The following TMTC1 variants were observed in gnomAD, a reference collection of about 807,000 sequenced individuals.
TMTC1 encodes the protein protein O-mannosyl-transferase TMTC1.
Under a neutral mutation model 104.8 loss-of-function variants are expected in TMTC1, and 73 were observed. The observed-to-expected ratio is 0.70, with a 90% confidence interval of 0.58 to 0.85. The LOEUF (loss-of-function observed/expected upper bound fraction) is 0.85, where lower values mean the gene tolerates loss of function less well. Among genes scored for constraint, TMTC1 ranks in the 40% least tolerant of loss-of-function variants. The probability of loss-of-function intolerance (pLI) is 0.00; values close to 1 mark genes in which losing one functional copy is unlikely to be tolerated. For missense variants in TMTC1, 1,035 were observed against 1,096.1 expected (o/e 0.94, Z 0.79); for synonymous variants, 434 against 428.7 (o/e 1.01, Z -0.15).
At chr12:29,760,986 A>ATTT (rs201231885) in intron 2 of TMTC1, among the ~76,000 whole-genome samples, 4 of 147,414 alleles carry the variant, frequency 2.7e-5, no homozygotes, top group African/African-American at 9.8e-5. Context: ...TATATTATGT[A>ATTT]TTTTTTATAT....
chr12:29,766,461 T>C (rs1303656624), intron 2 of TMTC1, among the ~76,000 whole-genome samples: 3 of 152,196 alleles, frequency 2.0e-5, no homozygotes, highest in Non-Finnish European at 4.4e-5. Flanking sequence ...ATATTCTTCA[T>C]AGAGATACGT....
In TMTC1 at chr12:29,504,620, G is replaced by C. The variant is rs574289900; in HGVS notation, c.*2226C>G. ...AAGGGAAAAGGGGTAGGGAAGGATG[G>C]GGGAGATAGGAAAGCACCTACAGGA... On this transcript the variant is annotated 3_prime_UTR_variant, in exon 18 of 18. Transcript: ENST00000539277. 6.6e-6 allele frequency: 1 copy of C among 152,158 alleles called. No homozygotes were observed. Among genetic ancestry groups the C allele is most frequent in the African/African-American group, 2.4e-5 (1 of 41,428 alleles). The allele number at this position is 152,158 out of a possible 1,614,324, so 9.4% of individuals were successfully genotyped here.
At chr12:29,581,266 G>A (rs752423724) in intron 8 of TMTC1, among the ~76,000 whole-genome samples, 3 of 152,088 alleles carry the variant, frequency 2.0e-5, no homozygotes, top group African/African-American at 7.2e-5. Context: ...CATCTGTTCT[G>A]GCCTTGAAGG....
At chr12:29,531,162 G>A (rs971581979) in intron 11 of TMTC1, among the ~76,000 whole-genome samples, 9 of 152,082 alleles carry the variant, frequency 5.9e-5, no homozygotes, top group Non-Finnish European at 7.4e-5. Flanking sequence ...ACACTCTGGC[G>A]CTTGGTGGCA....
rs143930648 is a variant in TMTC1 at position 29,540,826 on chromosome 12, C to G, written c.1677-4509G>C. 4.6e-3 allele frequency among the ~76,000 whole-genome samples: 694 copies of G among 152,170 alleles called. 7 individuals carry two copies. The highest frequency in any genetic ancestry group is 8.2e-3 in the Non-Finnish European group (560 of 68,008). On this transcript the variant is annotated intron_variant, in intron 10 of 17. Coordinates refer to ENST00000539277, the MANE Select transcript of TMTC1 (RefSeq NM_001193451.2). The stretch of plus-strand genomic sequence containing the variant: ...CCTGGCCAAGATAGTGAAACCCTGT[C>G]TCTACTAAAAATACAAAAATTAGCC...
At chr12:29,706,065 T>C (rs922013687) in intron 5 of TMTC1, among the ~76,000 whole-genome samples, 1 of 152,192 alleles carries the variant, frequency 6.6e-6, no homozygotes. Context: ...CTCCCAAAGC[T>C]TACCAGAAAT....
At chr12:29,752,829 C>G (rs1185975056) in intron 4 of TMTC1, among the ~76,000 whole-genome samples, 1 of 152,100 alleles carries the variant, frequency 6.6e-6, no homozygotes, top group Non-Finnish European at 1.5e-5. Context: ...GTCCTAGAAA[C>G]TATCATGGAA....
intron 5 of TMTC1, among the ~76,000 whole-genome samples, chr12:29,673,418 A>G (rs1437481670): frequency 6.6e-6 from 1 of 152,176 alleles, no homozygotes; most frequent in African/African-American, 2.4e-5. Context: ...AGAAATCCAT[A>G]ATAATTAAGT....
At chr12:29,572,623 C>T (rs557202076) in intron 8 of TMTC1, among the ~76,000 whole-genome samples, 8 of 152,306 alleles carry the variant, frequency 5.3e-5, no homozygotes, top group African/African-American at 1.4e-4. Flanking sequence ...ATGAGACACA[C>T]ACAACCTTGC....
intron 5 of TMTC1, among the ~76,000 whole-genome samples, chr12:29,639,964 G>C (rs1938753422): frequency 6.6e-6 from 1 of 152,206 alleles, no homozygotes; most frequent in Non-Finnish European, 1.5e-5. Flanking sequence ...AAAGCCACAG[G>C]CAATCCCCCA....
chr12:29,555,237 A>G (rs1047051016), intron 10 of TMTC1, among the ~76,000 whole-genome samples: 1 of 141,342 alleles, frequency 7.1e-6, no homozygotes, highest in Non-Finnish European at 1.5e-5. Flanking sequence ...TCTCAGGCCC[A>G]AGTGATTCTT....
At chr12:29,584,588 C>T (rs1291276794) in intron 7 of TMTC1, among the ~76,000 whole-genome samples, 1 of 152,060 alleles carries the variant, frequency 6.6e-6, no homozygotes, top group Non-Finnish European at 1.5e-5. Context: ...GCTAGCCCGC[C>T]CCGCTTCCCC....
intron 5 of TMTC1, among the ~76,000 whole-genome samples, chr12:29,695,455 C>A (rs1195875602): frequency 6.6e-6 from 1 of 151,940 alleles, no homozygotes. Context: ...TACAGACACA[C>A]GCCACCACAT....
chr12:29,619,723 T>C (rs893595714), intron 6 of TMTC1, among the ~76,000 whole-genome samples: 7 of 152,248 alleles, frequency 4.6e-5, no homozygotes, highest in Non-Finnish European at 1.0e-4. Context: ...TAGCCATTTG[T>C]AAATAAGTCA....
At chr12:29,707,571 C>A (rs908795227) in intron 5 of TMTC1, among the ~76,000 whole-genome samples, 1 of 152,162 alleles carries the variant, frequency 6.6e-6, no homozygotes, top group Non-Finnish European at 1.5e-5. Flanking sequence ...GCCCTTCTCC[C>A]ACTGAAGTCC....
At chr12:29,582,958 T>A (rs1232542389) in intron 8 of TMTC1, among the ~76,000 whole-genome samples, 1 of 152,210 alleles carries the variant, frequency 6.6e-6, no homozygotes, top group Non-Finnish European at 1.5e-5. Flanking sequence ...CAAAGAATGT[T>A]CAAAATTAAT....
chr12:29,554,001 C>T (rs16934444), intron 10 of TMTC1, among the ~76,000 whole-genome samples: 1 of 152,154 alleles, frequency 6.6e-6, no homozygotes, highest in African/African-American at 2.4e-5. Flanking sequence ...GGGTAAAATA[C>T]TCATCTATAT....
At chr12:29,656,339 T>C (rs7309851) in intron 5 of TMTC1, among the ~76,000 whole-genome samples, 13,004 of 146,854 alleles carry the variant, frequency 0.089, 1,049 homozygotes, top group East Asian at 0.44. Context: ...TATATATATA[T>C]ACACACATAC....
chr12:29,541,324 T>G (rs1386337106), intron 10 of TMTC1, among the ~76,000 whole-genome samples: 2 of 152,184 alleles, frequency 1.3e-5, no homozygotes, highest in African/African-American at 4.8e-5. Context: ...AAGCACAGAC[T>G]TAAAAACCAG....
Sources: gnomAD v4.1 joint callset for allele counts (sites outside exome capture counted in the v4.1 genomes callset) on GRCh38, gnomAD v4.1.1 for gene constraint, MANE v1.5 for transcripts, NCBI Gene and HGNC (gene_info 2026-07-23, HGNC 2026-07-21) for gene names.